The following FBXL5 variants were observed in gnomAD, a reference collection of about 807,000 sequenced individuals.
FBXL5 encodes F-box and leucine rich repeat protein 5.
FBXL5 carries 26 observed loss-of-function variants against 78.3 expected under a neutral mutation model. The observed-to-expected ratio is 0.33, with a 90% CI of 0.24 to 0.46. The LOEUF is 0.46. Among genes scored for constraint, FBXL5 ranks in the 20% least tolerant of loss-of-function variants. FBXL5 has a pLI of 1.00. For missense variants in FBXL5, 710 were observed against 829.2 expected, an observed-to-expected ratio of 0.86 and a Z score of 1.77; for synonymous variants, 295 against 282.5, an observed-to-expected ratio of 1.04 and a Z score of -0.45.
intron 9 of FBXL5, among the ~76,000 whole-genome samples, chr4:15,623,174 A>G (rs1712660221): frequency 6.6e-6 from 1 of 152,194 alleles, no homozygotes. Flanking sequence ...GCTTTTAAAT[A>G]AAGTGTGCTC....
intron 5 of FBXL5, among the ~76,000 whole-genome samples, chr4:15,632,914 T>C (rs966835635): frequency 2.6e-5 from 4 of 152,204 alleles, no homozygotes; most frequent in Non-Finnish European, 4.4e-5. Context: ...TCCTGCCTGA[T>C]TGCCCTGGCC....
chr4:15,658,735 A>G (rs1717147043), upstream of FBXL5, among the ~76,000 whole-genome samples: 1 of 152,206 alleles, frequency 6.6e-6, no homozygotes, highest in Non-Finnish European at 1.5e-5. Flanking sequence ...ATTCTGTTAT[A>G]AGCAATAGAA....
chr4:15,644,792 C>T, intron 1 of FBXL5, 84 bp from the exon 2 acceptor site: 1 of 895,172 alleles, frequency 1.1e-6, no homozygotes. Context: ...TCCCTATTCA[C>T]TTTTGCACAC....
chr4:15,640,393 G>GAAAAAAAAAAAAAAA (rs33987840), intron 3 of FBXL5, among the ~76,000 whole-genome samples: 6 of 91,600 alleles, frequency 6.6e-5, no homozygotes, highest in Admixed American at 1.3e-4. Context: ...CTACACTACT[G>GAAAAAAAAAAAAAAA]AAAAAAAAAA....
At chr4:15,614,337 T>C (rs1005588347) in intron 9 of FBXL5, among the ~76,000 whole-genome samples, 4 of 152,112 alleles carry the variant, frequency 2.6e-5, no homozygotes, top group African/African-American at 9.7e-5. Flanking sequence ...CCAGTGGAGA[T>C]AGGAGGGGAG....
intron 1 of FBXL5, among the ~76,000 whole-genome samples, chr4:15,653,796 G>A (rs1279405908): frequency 6.6e-6 from 1 of 152,180 alleles, no homozygotes; most frequent in Non-Finnish European, 1.5e-5. Context: ...GCTTCTCCTA[G>A]ATGAGTGGTT....
At chr4:15,635,774 A>AC (rs1208237198) in intron 5 of FBXL5, among the ~76,000 whole-genome samples, 1 of 151,812 alleles carries the variant, frequency 6.6e-6, no homozygotes, top group African/African-American at 2.4e-5. Flanking sequence ...AAAAAAAAAA[A>AC]AAAAACTCAC....
chr4:15,666,843 T>G (rs1278440521), intron 1 of FBXL5, among the ~76,000 whole-genome samples: 1 of 150,000 alleles, frequency 6.7e-6, no homozygotes, highest in Non-Finnish European at 1.5e-5. Context: ...TAAACTAAAC[T>G]AAGAGTAAAT....
chr4:15,624,178 T>C (rs1712773546), intron 9 of FBXL5, among the ~76,000 whole-genome samples: 1 of 152,134 alleles, frequency 6.6e-6, no homozygotes, highest in African/African-American at 2.4e-5. Context: ...TTAAGTTTTA[T>C]GCTGGAAGAA....
intron 9 of FBXL5, among the ~76,000 whole-genome samples, chr4:15,617,478 G>A (rs1211196331): frequency 2.6e-5 from 4 of 151,108 alleles, no homozygotes; most frequent in Admixed American, 1.3e-4. Flanking sequence ...AACCTGTGAG[G>A]TGGAGGTTGC....
intron 1 of FBXL5, among the ~76,000 whole-genome samples, chr4:15,650,598 C>G (rs1715884265): frequency 6.6e-6 from 1 of 151,048 alleles, no homozygotes; most frequent in African/African-American, 2.4e-5. Flanking sequence ...TAAAAGGACG[C>G]ACATAATTAA....
intron 10 of FBXL5, among the ~76,000 whole-genome samples, chr4:15,607,959 C>T (rs1480133472): frequency 6.6e-6 from 1 of 152,100 alleles, no homozygotes; most frequent in African/African-American, 2.4e-5. Context: ...CACTTAACAT[C>T]GATAGGTTCT....
intron 1 of FBXL5, among the ~76,000 whole-genome samples, chr4:15,672,156 T>G (rs1198209126): frequency 1.3e-5 from 2 of 152,210 alleles, no homozygotes; most frequent in Non-Finnish European, 2.9e-5. Flanking sequence ...TTTAAACACT[T>G]GTTAGGCAAG....
chr4:15,641,525 TTACTG>T, intron 2 of FBXL5: 1 of 414,264 alleles, frequency 2.4e-6, no homozygotes, highest in Non-Finnish European at 4.7e-6. Context: ...CTAGCTTACC[TTACTG>T]TAAGAATCCA....
At chr4:15,656,093 C>T, upstream of FBXL5, 1 of 438,734 alleles carries the variant, frequency 2.3e-6, no homozygotes, top group Admixed American at 2.4e-5. Flanking sequence ...AGTGCAGGAA[C>T]GCGGGTCAGG....
Position 15,640,882 on chromosome 4 carries a change from T to A in FBXL5, c.302A>T (p.Asn101Ile). Reference sequence around the variant, plus strand: ...TGCATAATTTAACTGTTCATATTCATTCTGGAAACCAAAAAAAAAATACAT... The same window carrying A: ...TGCATAATTTAACTGTTCATATTCAATCTGGAAACCAAAAAAAAAATACAT... ...LFEKGLKNVK[N>I]EYEQLNYAKQ... Residue 101 changes from asparagine to isoleucine, a missense_variant and splice_region_variant, in exon 3 of 11, where the codon AAT (asparagine) becomes ATT (isoleucine). Coordinates refer to ENST00000341285, the MANE Select transcript of FBXL5 (RefSeq NM_012161.4). 1 of 1,440,346 alleles carries A rather than the reference T, an allele frequency of 6.9e-7. No individual in the cohort carries two copies. The highest frequency in any genetic ancestry group is 1.4e-5 in the South Asian group (1 of 69,930). 89.2% of individuals were successfully genotyped at this position (1,440,346 alleles called of 1,614,324 possible). A position where few individuals can be genotyped will look rare whatever the true frequency, so the allele number is the denominator to read the frequency against.
chr4:15,641,472 GATTT>G lies in FBXL5; in HGVS notation c.301-593_301-590del, dbSNP rs1261363994. 1.2e-5 allele frequency: 4 copies of G among 340,364 alleles called. No individual in the cohort carries two copies. The East Asian group carries it at 3.3e-4, about 28-fold the overall frequency. The allele number at this position is 340,364 out of a possible 1,614,324, so 21.1% of individuals were successfully genotyped here. ...ACTTCCACTTAATAAATAGTGAATA[GATTT>G]TTTTCTTCCGTATGATGTTCTTAGT... On this transcript the variant is annotated intron_variant, in intron 2 of 10. Transcript: ENST00000341285.
intron 9 of FBXL5, among the ~76,000 whole-genome samples, 161 bp downstream of exon 9, chr4:15,625,091 C>T (rs1478601077): frequency 2.6e-5 from 4 of 152,208 alleles, no homozygotes; most frequent in Non-Finnish European, 5.9e-5. Context: ...ATACTGATAA[C>T]AGAAGTTACA....
At chr4:15,639,963 G>A (rs1714673849) in intron 3 of FBXL5, among the ~76,000 whole-genome samples, 1 of 152,136 alleles carries the variant, frequency 6.6e-6, no homozygotes, top group Admixed American at 6.5e-5. Context: ...ATTAGAGACA[G>A]AAGAAAAAGG....
Sources: gnomAD v4.1 joint callset for allele counts (sites outside exome capture counted in the v4.1 genomes callset) on GRCh38, gnomAD v4.1.1 for gene constraint, MANE v1.5 for transcripts, NCBI Gene and HGNC (gene_info 2026-07-23, HGNC 2026-07-21) for gene names.